The following METTL8 variants were observed in gnomAD, a reference collection of about 807,000 sequenced individuals.
The protein encoded by METTL8 is tRNA N(3)-cytidine methyltransferase METTL8, mitochondrial.
METTL8 carries 32 observed loss-of-function variants against 48.7 expected under a neutral mutation model. The ratio of observed to expected loss-of-function variants is 0.66; its 90% CI spans 0.50 to 0.88. The LOEUF (loss-of-function observed/expected upper bound fraction) is 0.88, where lower values mean the gene tolerates loss of function less well. METTL8 is among the 40% of genes least tolerant of loss of function. The pLI, the probability that METTL8 is intolerant of heterozygous loss-of-function variation, is 0.00. For missense variants in METTL8, 464 were observed against 474.4 expected, an observed-to-expected ratio of 0.98 and a Z score of 0.20; for synonymous variants, 136 against 157.1, an observed-to-expected ratio of 0.87 and a Z score of 1.01.
chr2:171,365,796 T>C (rs999182337), intron 2 of METTL8, among the ~76,000 whole-genome samples: 2 of 152,232 alleles, frequency 1.3e-5, no homozygotes, highest in Admixed American at 6.5e-5. Context: ...GGATAAAATA[T>C]ATAAAGCAAC....
chr2:171,409,287 A>G (rs1378663284), intron 1 of METTL8, among the ~76,000 whole-genome samples: 1 of 152,222 alleles, frequency 6.6e-6, no homozygotes, highest in Non-Finnish European at 1.5e-5. Context: ...AGAAAATTAT[A>G]AACTACATAG....
intron 1 of METTL8, among the ~76,000 whole-genome samples, chr2:171,395,763 C>G (rs1252471134): frequency 1.3e-5 from 2 of 152,142 alleles, no homozygotes; most frequent in African/African-American, 4.8e-5. Context: ...TTTAACAACC[C>G]TTTTCCAGTA....
chr2:171,402,573 A>G (rs1484526240), intron 1 of METTL8, among the ~76,000 whole-genome samples: 1 of 152,204 alleles, frequency 6.6e-6, no homozygotes, highest in Non-Finnish European at 1.5e-5. Context: ...CGTTATATAT[A>G]GAAATATCTG....
intron 2 of METTL8, among the ~76,000 whole-genome samples, chr2:171,387,555 T>G (rs200578179): frequency 2.7e-5 from 4 of 150,160 alleles, no homozygotes; most frequent in South Asian, 2.1e-4. Context: ...AAAAAAAAAT[T>G]TTTTTTTAAA....
At position 171,337,297 on chromosome 2, in the gene METTL8, A is replaced by G. The variant is rs3731988; in HGVS notation, c.656+156T>C. Reference sequence around the variant, plus strand: ...ATTCCCAGTTCACATGAAAGTAGACATTGAGATTAAGACATTTCTTTTGAA... The same window carrying G: ...ATTCCCAGTTCACATGAAAGTAGACGTTGAGATTAAGACATTTCTTTTGAA... On this transcript the variant is annotated intron_variant, in intron 5 of 9. Transcript: ENST00000375258. Among the ~76,000 whole-genome samples the G allele has an allele frequency of 2.0e-5, 3 of 152,360 alleles. No homozygotes were observed. The East Asian group carries it at 5.8e-4, about 29-fold the overall frequency.
chr2:171,430,049 GA>G (rs111919631), intron 1 of METTL8, among the ~76,000 whole-genome samples: 2,074 of 125,700 alleles, frequency 0.016, 44 homozygotes, highest in African/African-American at 0.055. Context: ...GTCTCAAAAA[GA>G]AAAAAAAAAA....
chr2:171,356,850 A>T (rs1013764532), intron 3 of METTL8, among the ~76,000 whole-genome samples: 1 of 152,052 alleles, frequency 6.6e-6, no homozygotes, highest in African/African-American at 2.4e-5. Flanking sequence ...TTAATTTTAC[A>T]TAATACTGGA....
chr2:171,356,114 C>T (rs1471082555), intron 3 of METTL8, among the ~76,000 whole-genome samples: 1 of 152,010 alleles, frequency 6.6e-6, no homozygotes, highest in Non-Finnish European at 1.5e-5. Context: ...TGGAACCACA[C>T]CTTTTTGTCT....
intron 2 of METTL8, among the ~76,000 whole-genome samples, chr2:171,386,909 C>A (rs1339337505): frequency 6.6e-6 from 1 of 152,112 alleles, no homozygotes; most frequent in Non-Finnish European, 1.5e-5. Context: ...CACCAGCACA[C>A]CAGCAGGCCA....
chr2:171,417,676 G>T (rs924627726), intron 1 of METTL8, among the ~76,000 whole-genome samples: 5 of 152,050 alleles, frequency 3.3e-5, no homozygotes, highest in African/African-American at 1.2e-4. Flanking sequence ...CCTATATAGT[G>T]GTGTCTACCA....
rs1692474370 is a variant in METTL8, at chr2:171,426,880, T to C, written c.-13+7003A>G. Among the ~76,000 whole-genome samples the C allele has an allele frequency of 2.0e-5, 3 of 152,220 alleles. No individual in the cohort carries two copies. In the South Asian group the frequency reaches 6.2e-4, roughly 32 times the overall value. On this transcript the variant is annotated intron_variant, in intron 1 of 9. Transcript: ENST00000375258. ...CTGTTTAAGAAGAATGTCACATCAC[T>C]CTAAGGGTTTTCCATCACATTTCCA...
upstream of METTL8, chr2:171,434,547 C>G (rs1169216444): frequency 6.6e-7 from 1 of 1,524,272 alleles, no homozygotes; most frequent in Non-Finnish European, 8.8e-7. Context: ...ACTCGGCGGC[C>G]CAGCCTACCC....
At position 171,348,803 on chromosome 2, in the gene METTL8, A is replaced by G. The variant is rs1045249322; in HGVS notation, c.236-9249T>C. Reference sequence around the variant, plus strand: ...GTATAAATTTCTGTGTCTATTTTATAAACTATTTTTAAAAAGAAAAAAAAA... The same window carrying G: ...GTATAAATTTCTGTGTCTATTTTATGAACTATTTTTAAAAAGAAAAAAAAA... On this transcript the variant is annotated intron_variant, in intron 3 of 9. Transcript: ENST00000375258. 2.0e-5 allele frequency among the ~76,000 whole-genome samples: 3 copies of G among 152,322 alleles called. No homozygotes were observed. In the East Asian group the frequency reaches 5.8e-4, roughly 29 times the overall value.
intron 5 of METTL8, among the ~76,000 whole-genome samples, chr2:171,336,863 CTTTTTTTTT>C (rs71013037): frequency 5.7e-5 from 5 of 88,116 alleles, no homozygotes; most frequent in Non-Finnish European, 8.8e-5. Flanking sequence ...ATCACTTCCT[CTTTTTTTTT>C]TTTTTTTTTT....
chr2:171,330,175 C>T (rs1450789780), intron 7 of METTL8, among the ~76,000 whole-genome samples: 1 of 152,192 alleles, frequency 6.6e-6, no homozygotes, highest in East Asian at 1.9e-4. Flanking sequence ...CCAAGCCCAC[C>T]TCTTCATGAA....
intron 2 of METTL8, among the ~76,000 whole-genome samples, chr2:171,377,910 G>GA (rs1435841480): frequency 2.0e-5 from 3 of 151,976 alleles, no homozygotes; most frequent in Admixed American, 6.6e-5. Context: ...TAATTATATG[G>GA]AAAAAAACAA....
chr2:171,344,896 AG>A (rs1687117131), intron 3 of METTL8, among the ~76,000 whole-genome samples: 1 of 152,232 alleles, frequency 6.6e-6, no homozygotes, highest in African/African-American at 2.4e-5. Flanking sequence ...CTGTGTTAAC[AG>A]GGGAATTGGA....
intron 1 of METTL8, among the ~76,000 whole-genome samples, chr2:171,417,266 G>C (rs866764209): frequency 6.6e-6 from 1 of 152,118 alleles, no homozygotes; most frequent in African/African-American, 2.4e-5. Flanking sequence ...TTATAATCTC[G>C]ATGATTTTCC....
intron 3 of METTL8, among the ~76,000 whole-genome samples, chr2:171,341,746 G>A (rs1245246468): frequency 6.6e-6 from 1 of 151,760 alleles, no homozygotes; most frequent in African/African-American, 2.4e-5. Context: ...AGGTGAAAAA[G>A]CAAGGTATAT....
Sources: gnomAD v4.1 joint callset for allele counts (sites outside exome capture counted in the v4.1 genomes callset) on GRCh38, gnomAD v4.1.1 for gene constraint, MANE v1.5 for transcripts, NCBI Gene and HGNC (gene_info 2026-07-23, HGNC 2026-07-21) for gene names.